C18orf63: variants seen among roughly 807,000 people sequenced by gnomAD.
C18orf63 encodes chromosome 18 open reading frame 63.
Under a neutral mutation model 75.3 loss-of-function variants are expected in C18orf63, and 50 were observed. The observed-to-expected ratio is 0.66, with a 90% CI of 0.53 to 0.84. C18orf63 has a LOEUF of 0.84. Among genes scored for constraint, C18orf63 ranks in the 40% least tolerant of loss-of-function variants. The pLI is 0.00. For synonymous variants in C18orf63, 232 were observed against 267.6 expected (o/e 0.87, Z 1.30); for missense variants, 732 against 800.2 (o/e 0.91, Z 1.03).
Position 74,317,903 on chromosome 18 carries a change from C to T in C18orf63, c.38C>T (p.Thr13Ile). Residue 13 changes from threonine to isoleucine, a missense_variant, in exon 2 of 14, where the codon ACA becomes ATA. Transcript: ENST00000579455. ...DSRQQSLFFI[T>I]LPDLNKLCAV... ...AGGCAGCAGTCTCTGTTCTTCATCA[C>T]ACTTCCAGATTTAAACAAACTCTGT... is the stretch of plus-strand genomic sequence containing the variant. 6.5e-7 allele frequency: 1 copy of T among 1,534,898 alleles called. No homozygotes were observed.
chr18:74,352,679 T>A (rs76426134), intron 11 of C18orf63, among the ~76,000 whole-genome samples: 2 of 152,174 alleles, frequency 1.3e-5, no homozygotes, highest in African/African-American at 4.8e-5. Context: ...TTTTAGTAAC[T>A]GTGAAGGATA....
chr18:74,345,131 G>A (rs888271068), intron 11 of C18orf63, among the ~76,000 whole-genome samples: 15 of 151,952 alleles, frequency 9.9e-5, no homozygotes, highest in Admixed American at 3.3e-4. Flanking sequence ...GCATTTTCCC[G>A]ATTATTAATG....
chr18:74,335,112 G>A (rs1311816981), intron 7 of C18orf63, among the ~76,000 whole-genome samples: 1 of 152,110 alleles, frequency 6.6e-6, no homozygotes, highest in Non-Finnish European at 1.5e-5. Context: ...AAGTCCTAGA[G>A]GGAAGGTCTG....
intron 11 of C18orf63, among the ~76,000 whole-genome samples, chr18:74,349,303 C>T (rs188313492): frequency 8.5e-5 from 13 of 152,284 alleles, no homozygotes. Flanking sequence ...TTTAGGAACC[C>T]TTCTTCTCAC....
chr18:74,335,510 T>A (rs1984376779), intron 7 of C18orf63, among the ~76,000 whole-genome samples: 1 of 152,144 alleles, frequency 6.6e-6, no homozygotes. Context: ...TAATTAAATG[T>A]TTCTTAAAGG....
chr18:74,354,219 A>G lies in C18orf63; in HGVS notation c.1952A>G (p.His651Arg), dbSNP rs1000708395. The change falls in exon 12 of 14, where the codon CAT (histidine) becomes CGT (arginine). Residue 651 changes from histidine (H) to arginine (R), a missense_variant. Transcript: ENST00000579455. Reference sequence around the variant, plus strand: ...GAGTCTTCCAAAACTTCAAAGAAGCATCATTCCGATACTGTGCACTATGGC... The same window carrying G: ...GAGTCTTCCAAAACTTCAAAGAAGCGTCATTCCGATACTGTGCACTATGGC... ...CPESSKTSKK[H>R]HSDTVHYGQS... 2 of 1,535,974 alleles carry G rather than the reference A, an allele frequency of 1.3e-6. No homozygotes were observed. The highest frequency in any genetic ancestry group is 8.7e-7 in the Non-Finnish European group (1 of 1,146,838).
At chr18:74,327,824 G>A (rs933455092) in intron 4 of C18orf63, 123 bp from the exon 5 acceptor site, 3 of 631,998 alleles carry the variant, frequency 4.7e-6, no homozygotes, top group Middle Eastern at 3.2e-4. Context: ...ATGGCTATAA[G>A]TTTTACCTAG....
intron 2 of C18orf63, among the ~76,000 whole-genome samples, chr18:74,319,289 C>G (rs1345763153): frequency 1.3e-5 from 2 of 152,264 alleles, no homozygotes; most frequent in African/African-American, 2.4e-5. Context: ...TTGGCTCTCT[C>G]TAGTAGCATT....
intron 11 of C18orf63, among the ~76,000 whole-genome samples, chr18:74,351,530 A>G (rs972019183): frequency 7.2e-5 from 11 of 152,214 alleles, no homozygotes; most frequent in African/African-American, 2.4e-4. Flanking sequence ...AACAGCCAGC[A>G]TCACGCATCA....
chr18:74,355,642 G>A (rs1336384877), intron 13 of C18orf63, among the ~76,000 whole-genome samples: 2 of 151,688 alleles, frequency 1.3e-5, no homozygotes, highest in South Asian at 2.1e-4. Flanking sequence ...AATTAGGGCC[G>A]GGCATGGTGG....
At chr18:74,323,535 G>T (rs1984159948) in intron 4 of C18orf63, among the ~76,000 whole-genome samples, 1 of 152,160 alleles carries the variant, frequency 6.6e-6, no homozygotes, top group Non-Finnish European at 1.5e-5. Flanking sequence ...GCTGAGACAA[G>T]TCTTTGGTCA....
At chr18:74,344,515 A>G (rs766113561) in intron 11 of C18orf63, among the ~76,000 whole-genome samples, 10 of 148,418 alleles carry the variant, frequency 6.7e-5, no homozygotes, top group Non-Finnish European at 1.0e-4. Context: ...GGAGCCTCCT[A>G]CTTAACACCT....
intron 10 of C18orf63, among the ~76,000 whole-genome samples, chr18:74,342,701 A>G (rs557772008): frequency 4.1e-4 from 62 of 152,300 alleles, no homozygotes; most frequent in Middle Eastern, 3.4e-3. Flanking sequence ...AACAAAAACA[A>G]GATTTTTCTT....
In C18orf63 at chr18:74,357,071, GCTCA is replaced by G. The variant is rs1984779607; in HGVS notation, c.*627_*630del. The G allele has an allele frequency of 6.6e-6, 1 of 152,038 alleles. No individual in the cohort carries two copies. The highest frequency in any genetic ancestry group is 1.5e-5 in the Non-Finnish European group (1 of 68,012). The allele number at this position is 152,038 out of a possible 1,614,324, so 9.4% of individuals were successfully genotyped here. On this transcript the variant is annotated 3_prime_UTR_variant, in exon 14 of 14. Coordinates refer to ENST00000579455, the MANE Select transcript of C18orf63 (RefSeq NM_001174123.2). ...GGGGATCTCTACTATATCTCTGCAG[GCTCA>G]CTAAATTTCACTTTTGCTTTTATAT...
At chr18:74,342,492 A>C (rs1041506820) in intron 10 of C18orf63, among the ~76,000 whole-genome samples, 166 bp downstream of exon 10, 3 of 152,178 alleles carry the variant, frequency 2.0e-5, no homozygotes, top group African/African-American at 7.2e-5. Flanking sequence ...TGGTTTGCTT[A>C]GAATATCTTC....
rs1052610946 is a variant in C18orf63 at position 74,338,201 on chromosome 18, A to G, written c.502-514A>G. On this transcript the variant is annotated intron_variant, in intron 7 of 13. Transcript: ENST00000579455. ...GGTTAAATACAAGCCAAAATGCCCT[A>G]CAGGGAGGACACTTGAGGAACAGGG... Among the ~76,000 whole-genome samples the G allele has an allele frequency of 1.2e-4, 18 of 152,254 alleles. No homozygotes were observed. The East Asian group carries it at 3.5e-3, about 29-fold the overall frequency.
chr18:74,318,219 A>G (rs557401704), intron 2 of C18orf63, among the ~76,000 whole-genome samples: 2 of 152,310 alleles, frequency 1.3e-5, no homozygotes, highest in Non-Finnish European at 2.9e-5. Flanking sequence ...TTGAGTTTTT[A>G]TATCTGTGAC....
chr18:74,316,294 T>C (rs961758798), intron 1 of C18orf63, among the ~76,000 whole-genome samples, 185 bp downstream of exon 1: 2 of 152,022 alleles, frequency 1.3e-5, no homozygotes, highest in Non-Finnish European at 2.9e-5. Flanking sequence ...ATATCGGAAA[T>C]TTATAGAATC....
chr18:74,353,393 C>G lies in C18orf63; in HGVS notation c.1126C>G (p.Gln376Glu). Reference protein sequence around the residue: ...VDHKVELSVSQPTSGIFSALH... With the variant: ...VDHKVELSVSEPTSGIFSALH... ...CCACAAGGTGGAGCTTTCAGTCAGC[C>G]AGCCAACATCAGGCATTTTCTCAGC... Residue 376 changes from glutamine (Q) to glutamate (E), a missense_variant, in exon 12 of 14, where the codon CAG becomes GAG. Physicochemically the swap from Gln to Glu is conservative, Grantham distance 29. Transcript: ENST00000579455. 1 of 1,536,290 alleles carries G rather than the reference C, an allele frequency of 6.5e-7. No homozygotes were observed. The highest frequency in any genetic ancestry group is 1.2e-5 in the South Asian group (1 of 84,064).
Sources: gnomAD v4.1 joint callset for allele counts (sites outside exome capture counted in the v4.1 genomes callset) on GRCh38, gnomAD v4.1.1 for gene constraint, MANE v1.5 for transcripts, NCBI Gene and HGNC (gene_info 2026-07-23, HGNC 2026-07-21) for gene names.